Variants in SMAP1 observed in about 807,000 individuals in gnomAD.
The protein encoded by SMAP1 is stromal membrane-associated protein 1.
Under a neutral mutation model 58.5 loss-of-function variants are expected in SMAP1, and 24 were observed. The observed-to-expected ratio is 0.41, with a 90% CI of 0.30 to 0.58. The LOEUF (loss-of-function observed/expected upper bound fraction) is 0.58, where lower values mean the gene tolerates loss of function less well. SMAP1 is among the 20% of genes least tolerant of loss of function. The pLI is 0.29. For missense variants in SMAP1, 563 were observed against 566.3 expected, an observed-to-expected ratio of 0.99 and a Z score of 0.06; for synonymous variants, 216 against 196.6, an observed-to-expected ratio of 1.10 and a Z score of -0.82.
intron 1 of SMAP1, among the ~76,000 whole-genome samples, chr6:70,706,541 G>C (rs923333633): frequency 6.6e-6 from 1 of 152,124 alleles, no homozygotes; most frequent in Non-Finnish European, 1.5e-5. Context: ...GGTTAAAGAG[G>C]TAAAGTGAGT....
chr6:70,725,510 C>G (rs972449413), intron 1 of SMAP1, among the ~76,000 whole-genome samples: 1 of 152,012 alleles, frequency 6.6e-6, no homozygotes, highest in African/African-American at 2.4e-5. Context: ...AGTGCTCTTG[C>G]GTAAAGAACA....
chr6:70,861,666 T>C lies in SMAP1; in HGVS notation c.*1332T>C. 6.2e-7 allele frequency: 1 copy of C among 1,613,258 alleles called. No individual in the cohort carries two copies. The highest frequency in any genetic ancestry group is 1.7e-5 in the Admixed American group (1 of 60,010). On this transcript the variant is annotated 3_prime_UTR_variant, in exon 11 of 11. Coordinates refer to ENST00000370455, the MANE Select transcript of SMAP1 (RefSeq NM_001044305.3). ...CTGCACCAGTTGCTGCTTCAATTTA[T>C]ACCTCAATTTTCACTGTGTCCAGGT...
intron 6 of SMAP1, among the ~76,000 whole-genome samples, chr6:70,817,767 G>A (rs1348564256): frequency 1.3e-5 from 2 of 152,104 alleles, no homozygotes; most frequent in African/African-American, 4.8e-5. Context: ...TGAGTTCCCT[G>A]AAAACCAGGT....
At chr6:70,835,459 A>G (rs1331600104) in intron 6 of SMAP1, among the ~76,000 whole-genome samples, 1 of 152,158 alleles carries the variant, frequency 6.6e-6, no homozygotes, top group East Asian at 1.9e-4. Context: ...AGAAGAAATG[A>G]TCTTGAAATG....
Position 70,861,779 on chromosome 6 carries a change from G to A in SMAP1, c.*1445G>A, listed in dbSNP as rs781756767. 130 of 1,613,806 alleles carry A rather than the reference G, an allele frequency of 8.1e-5. No homozygotes were observed. The highest frequency in any genetic ancestry group is 1.8e-4 in the South Asian group (16 of 91,068). On this transcript the variant is annotated 3_prime_UTR_variant, in exon 11 of 11. Transcript: ENST00000370455. ...AGGGGAAGGAAATAGCTTGGGTAGC[G>A]CACTCTTCATGGTGACACTCGAGGT...
intron 1 of SMAP1, among the ~76,000 whole-genome samples, chr6:70,672,164 T>C (rs1766293819): frequency 6.6e-6 from 1 of 152,230 alleles, no homozygotes; most frequent in South Asian, 2.1e-4. Context: ...TAGTGTGGGT[T>C]GTGTTTTTGC....
chr6:70,785,479 C>T (rs1166404076), intron 4 of SMAP1, among the ~76,000 whole-genome samples: 1 of 152,018 alleles, frequency 6.6e-6, no homozygotes, highest in African/African-American at 2.4e-5. Context: ...AATAGAGACA[C>T]AAAAAACCCT....
chr6:70,668,682 C>T (rs1006350239), intron 1 of SMAP1: 6 of 1,535,948 alleles, frequency 3.9e-6, no homozygotes, highest in Non-Finnish European at 4.4e-6. Flanking sequence ...GCTTTTATCT[C>T]TGCTTCCTGA....
intron 2 of SMAP1, among the ~76,000 whole-genome samples, chr6:70,746,376 G>A (rs1175073340): frequency 6.6e-6 from 1 of 152,096 alleles, no homozygotes; most frequent in Non-Finnish European, 1.5e-5. Flanking sequence ...AGAGTTTTTA[G>A]CATGAAGGCT....
intron 3 of SMAP1, among the ~76,000 whole-genome samples, chr6:70,763,176 C>A (rs9354940): frequency 0.68 from 97,464 of 143,312 alleles, 34,294 homozygotes; most frequent in African/African-American, 0.87. Context: ...AGTCTGTTGG[C>A]GCCATATTTT....
At chr6:70,822,504 G>A (rs1284718783) in intron 6 of SMAP1, among the ~76,000 whole-genome samples, 1 of 152,216 alleles carries the variant, frequency 6.6e-6, no homozygotes, top group East Asian at 1.9e-4. Context: ...TGGCTTTTCA[G>A]TCTATTTCTA....
chr6:70,786,252 A>G (rs1435928321), intron 4 of SMAP1, among the ~76,000 whole-genome samples: 1 of 147,164 alleles, frequency 6.8e-6, no homozygotes, highest in Non-Finnish European at 1.5e-5. Context: ...AAATTCAACA[A>G]CCCTTCATGC....
chr6:70,771,567 A>G (rs763764529), intron 3 of SMAP1, among the ~76,000 whole-genome samples: 2 of 152,152 alleles, frequency 1.3e-5, no homozygotes, highest in African/African-American at 4.8e-5. Flanking sequence ...GGTGTGGGAT[A>G]TAATCTCCTG....
intron 5 of SMAP1, among the ~76,000 whole-genome samples, chr6:70,796,976 T>G (rs1398452855): frequency 6.6e-6 from 1 of 152,162 alleles, no homozygotes; most frequent in African/African-American, 2.4e-5. Context: ...TACCAATAGT[T>G]TGTTAGCTTT....
At chr6:70,857,854 T>C in intron 9 of SMAP1, 68 bp from the exon 10 acceptor site, 2 of 1,539,188 alleles carry the variant, frequency 1.3e-6, no homozygotes, top group East Asian at 4.5e-5. Context: ...AATTTTTCTG[T>C]GATTATAGAG....
chr6:70,688,470 G>GT (rs1044200361), intron 1 of SMAP1, among the ~76,000 whole-genome samples: 17 of 152,102 alleles, frequency 1.1e-4, no homozygotes, highest in African/African-American at 4.1e-4. Context: ...TGTTGTGACT[G>GT]TTTTTTATTT....
chr6:70,755,172 C>T, intron 3 of SMAP1, 107 bp downstream of exon 3: 12 of 861,530 alleles, frequency 1.4e-5, no homozygotes, highest in Non-Finnish European at 1.8e-6. Flanking sequence ...TATCACGCTA[C>T]TGTTCATTAA....
Position 70,861,847 on chromosome 6 carries a change from C to G in SMAP1, c.*1513C>G, listed in dbSNP as rs763929507. 1 of 1,614,080 alleles carries G rather than the reference C, an allele frequency of 6.2e-7. No homozygotes were observed. ...ATGAATACCTTAGTGCAGTTATTTGCTTTCGGTTCCAGTTCTTCGACTGTT... is the reference window on the plus strand; with the variant it reads ...ATGAATACCTTAGTGCAGTTATTTGGTTTCGGTTCCAGTTCTTCGACTGTT... On this transcript the variant is annotated 3_prime_UTR_variant, in exon 11 of 11. Coordinates refer to ENST00000370455, the MANE Select transcript of SMAP1 (RefSeq NM_001044305.3).
At chr6:70,673,325 G>A (rs1411767459) in intron 1 of SMAP1, among the ~76,000 whole-genome samples, 1 of 152,230 alleles carries the variant, frequency 6.6e-6, no homozygotes, top group Non-Finnish European at 1.5e-5. Flanking sequence ...AGTGTCTGTA[G>A]ACGTTTTTTG....
Sources: gnomAD v4.1 joint callset for allele counts (sites outside exome capture counted in the v4.1 genomes callset) on GRCh38, gnomAD v4.1.1 for gene constraint, MANE v1.5 for transcripts, NCBI Gene and HGNC (gene_info 2026-07-23, HGNC 2026-07-21) for gene names.